The following NXPE2 variants were observed in gnomAD, a reference collection of about 807,000 sequenced individuals.
NXPE2 encodes the protein NXPE family member 2.
A neutral mutation model predicts 34.4 loss-of-function variants in NXPE2; 34 were observed. The observed-to-expected ratio is 0.99, with a 90% CI of 0.75 to 1.31. The LOEUF (loss-of-function observed/expected upper bound fraction) is 1.31, where lower values mean the gene tolerates loss of function less well. Among genes scored for constraint, NXPE2 ranks in the 40% most tolerant of loss-of-function variants. NXPE2 has a pLI of 0.00. For synonymous variants in NXPE2, 235 were observed against 231.3 expected, an observed-to-expected ratio of 1.02 and a Z score of -0.15; for missense variants, 649 against 672.5, an observed-to-expected ratio of 0.97 and a Z score of 0.39.
At chr11:114,526,039 C>T in the NXPE2 span, among the ~76,000 whole-genome samples, 1 of 152,102 alleles carries the variant, frequency 6.6e-6, no homozygotes, top group Non-Finnish European at 1.5e-5. Context: ...CATTGGTCCT[C>T]AAAAGTGGAA....
In NXPE2 at chr11:114,698,628, C is replaced by T. The variant is rs1204781743; in HGVS notation, c.716C>T (p.Ala239Val). ...TGTGGCCTGACCCTAAACACAAATG[C>T]TGAACTGTGCCAGTACATGGATGAC... ...TECGLTLNTN[A>V]ELCQYMDDRD... The change falls in exon 3 of 6, where the codon GCT becomes GTT. Residue 239 changes from alanine (A) to valine (V), a missense_variant. Transcript: ENST00000389586. The T allele has an allele frequency of 4.3e-6, 7 of 1,614,188 alleles. No individual in the cohort carries two copies. Among genetic ancestry groups the T allele is most frequent in the East Asian group, 2.2e-5 (1 of 44,880 alleles).
chr11:114,660,106 C>A, the NXPE2 span, among the ~76,000 whole-genome samples: 1 of 151,952 alleles, frequency 6.6e-6, no homozygotes, highest in African/African-American at 2.4e-5. Flanking sequence ...AAATAGATAA[C>A]CTGAAAATTC....
the NXPE2 span, among the ~76,000 whole-genome samples, chr11:114,638,736 C>A: frequency 1.3e-5 from 2 of 152,158 alleles, no homozygotes; most frequent in Admixed American, 1.3e-4. Context: ...CTACTCCAGA[C>A]CCTGTTTGCC....
the NXPE2 span, among the ~76,000 whole-genome samples, chr11:114,723,956 G>A: frequency 3.9e-5 from 6 of 152,256 alleles, no homozygotes; most frequent in African/African-American, 1.4e-4. Flanking sequence ...CTTCCCAGCT[G>A]TCATCTCTGT....
chr11:114,531,234 A>C, the NXPE2 span, among the ~76,000 whole-genome samples: 2 of 152,226 alleles, frequency 1.3e-5, no homozygotes, highest in Non-Finnish European at 2.9e-5. Flanking sequence ...TATTCAATCC[A>C]AAATATATAG....
chr11:114,587,484 G>T, the NXPE2 span, among the ~76,000 whole-genome samples: 1 of 152,254 alleles, frequency 6.6e-6, no homozygotes, highest in South Asian at 2.1e-4. Flanking sequence ...CTATTGGAGA[G>T]TCATGCAGAT....
chr11:114,636,837 A>G, the NXPE2 span, among the ~76,000 whole-genome samples: 1 of 152,092 alleles, frequency 6.6e-6, no homozygotes, highest in East Asian at 1.9e-4. Context: ...ACAGTTTGTT[A>G]TAATTTCTGT....
chr11:114,508,103 G>A, the NXPE2 span, among the ~76,000 whole-genome samples: 1 of 152,116 alleles, frequency 6.6e-6, no homozygotes, highest in Non-Finnish European at 1.5e-5. Context: ...AGCAACAACA[G>A]TCAAGCCAAG....
the NXPE2 span, among the ~76,000 whole-genome samples, chr11:114,480,923 G>A: frequency 6.6e-6 from 1 of 152,166 alleles, no homozygotes; most frequent in Admixed American, 6.5e-5. Context: ...ATTCCTTTGA[G>A]AAATCTCTAG....
At chr11:114,615,898 T>C in the NXPE2 span, among the ~76,000 whole-genome samples, 2 of 151,606 alleles carry the variant, frequency 1.3e-5, no homozygotes, top group Admixed American at 1.3e-4. Flanking sequence ...TGTTGCCTCG[T>C]GGGTAACCAC....
upstream of NXPE2, among the ~76,000 whole-genome samples, chr11:114,674,434 T>C (rs373000613): frequency 1.2e-4 from 18 of 151,900 alleles, 1 homozygote; most frequent in African/African-American, 4.3e-4. Flanking sequence ...GAGAGAATCC[T>C]ATTGTATGTG....
chr11:114,510,901 A>T, the NXPE2 span, among the ~76,000 whole-genome samples: 1 of 152,160 alleles, frequency 6.6e-6, no homozygotes, highest in Non-Finnish European at 1.5e-5. Flanking sequence ...AAGGTGTACT[A>T]CTTGGCTCAA....
chr11:114,629,520 T>G, the NXPE2 span, among the ~76,000 whole-genome samples: 1 of 151,502 alleles, frequency 6.6e-6, no homozygotes, highest in South Asian at 2.1e-4. Flanking sequence ...GGGACATATC[T>G]CAAAATAATA....
At chr11:114,762,978 C>G in the NXPE2 span, among the ~76,000 whole-genome samples, 2 of 152,046 alleles carry the variant, frequency 1.3e-5, no homozygotes, top group African/African-American at 4.8e-5. Flanking sequence ...GGATGCCACA[C>G]CAGCCTCCTG....
the NXPE2 span, among the ~76,000 whole-genome samples, chr11:114,581,057 A>G: frequency 2.0e-5 from 3 of 152,194 alleles, no homozygotes; most frequent in Non-Finnish European, 2.9e-5. Context: ...ATCTAGGTAC[A>G]TATTTACACT....
the NXPE2 span, among the ~76,000 whole-genome samples, chr11:114,537,786 A>G: frequency 6.6e-6 from 1 of 152,006 alleles, no homozygotes; most frequent in Non-Finnish European, 1.5e-5. Context: ...AAAAGAGGAT[A>G]CAAACAAATG....
the NXPE2 span, among the ~76,000 whole-genome samples, chr11:114,482,544 A>G: frequency 2.6e-5 from 4 of 152,160 alleles, no homozygotes; most frequent in Non-Finnish European, 4.4e-5. Context: ...ACATTTACAT[A>G]TCCTCTTTCT....
chr11:114,802,264 C>G, the NXPE2 span, among the ~76,000 whole-genome samples: 1 of 152,164 alleles, frequency 6.6e-6, no homozygotes, highest in African/African-American at 2.4e-5. Flanking sequence ...TCTGGGTTCT[C>G]CCTCACTGTC....
At chr11:114,473,538 C>T in the NXPE2 span, among the ~76,000 whole-genome samples, 13 of 152,066 alleles carry the variant, frequency 8.5e-5, no homozygotes, top group African/African-American at 3.1e-4. Context: ...TCTCAATTTT[C>T]AAGAATAATA....
Sources: gnomAD v4.1 joint callset for allele counts (sites outside exome capture counted in the v4.1 genomes callset) on GRCh38, gnomAD v4.1.1 for gene constraint, MANE v1.5 for transcripts, NCBI Gene and HGNC (gene_info 2026-07-23, HGNC 2026-07-21) for gene names.